The following ACY3 variants were observed in gnomAD, a reference collection of about 807,000 sequenced individuals.
ACY3 encodes the protein N-acyl-aromatic-L-amino acid amidohydrolase (carboxylate-forming).
ACY3 carries 20 observed loss-of-function variants against 24.6 expected under a neutral mutation model. The observed-to-expected ratio is 0.81, with a 90% CI of 0.57 to 1.18. The LOEUF is 1.18. Among genes scored for constraint, ACY3 ranks in the 50% most tolerant of loss-of-function variants. The pLI is 0.00. For missense variants in ACY3, 423 were observed against 426.8 expected, an observed-to-expected ratio of 0.99 and a Z score of 0.08; for synonymous variants, 174 against 188.4, an observed-to-expected ratio of 0.92 and a Z score of 0.62.
chr11:67,646,857 G>A lies in ACY3; in HGVS notation c.187C>T (p.Arg63Cys), dbSNP rs543980460. 8.7e-6 allele frequency: 14 copies of A among 1,612,532 alleles called. No individual in the cohort carries two copies. The highest frequency in any genetic ancestry group is 3.3e-5 in the Admixed American group (2 of 59,964). Residue 63 changes from arginine (R) to cysteine (C), a missense_variant, in exon 3 of 8, where the codon CGC becomes TGC. Arg to Cys is a radical substitution (Grantham distance 180). Transcript: ENST00000255082. Reference protein sequence around the residue: ...ANPAATSGCRRYVDHDLNRTF... With the variant: ...ANPAATSGCRCYVDHDLNRTF... ...CGGTTGAGGTCATGGTCCACGTAGC[G>A]GCGGCAGCCGGATGTGGCTGCCGGG...
rs368425963 is a variant in ACY3, at chr11:67,642,678, C to A, written c.*46G>T. 6.3e-6 allele frequency: 10 copies of A among 1,593,194 alleles called. No homozygotes were observed. The African/African-American group carries it at 6.7e-5, about 11-fold the overall frequency. Reference sequence around the variant, plus strand: ...TGTGCTCAGAGCTGTGCCTCAGGACCCATCGTTCAGATGGGAAGACTGAGG... The same window carrying A: ...TGTGCTCAGAGCTGTGCCTCAGGACACATCGTTCAGATGGGAAGACTGAGG... On this transcript the variant is annotated 3_prime_UTR_variant, in exon 8 of 8. Transcript: ENST00000255082.
chr11:67,645,986 A>G, intron 3 of ACY3, 99 bp from the exon 4 acceptor site: 3 of 1,218,910 alleles, frequency 2.5e-6, no homozygotes, highest in Non-Finnish European at 3.4e-6. Context: ...AGCCACTCTG[A>G]GCAGCTCGAG....
In ACY3 at chr11:67,646,848, C is replaced by T. The variant is rs143717535; in HGVS notation, c.196G>A (p.Asp66Asn). ...GTGAAGGTGCGGTTGAGGTCATGGT[C>T]CACGTAGCGGCGGCAGCCGGATGTG... ...AATSGCRRYV[D>N]HDLNRTFTSS... The change falls in exon 3 of 8, where the codon GAC becomes AAC. Residue 66 changes from aspartate (D) to asparagine (N), a missense_variant. Transcript: ENST00000255082. 431 of 1,612,944 alleles carry T rather than the reference C, an allele frequency of 2.7e-4. No homozygotes were observed. Among genetic ancestry groups the T allele is most frequent in the Non-Finnish European group, 3.4e-4 (407 of 1,179,954 alleles).
At chr11:67,644,906 C>T (rs762645391) in intron 6 of ACY3, 37 bp from the exon 7 acceptor site, 6 of 1,605,640 alleles carry the variant, frequency 3.7e-6, no homozygotes, top group Non-Finnish European at 4.3e-6. Flanking sequence ...CCATCCCTCC[C>T]TCCAGGCTAG....
rs143500320 is a variant in ACY3, at chr11:67,645,010, C to T, written c.634+35G>A. The T allele has an allele frequency of 6.4e-3, 10,282 of 1,607,948 alleles. 38 individuals carry two copies. Among genetic ancestry groups the T allele is most frequent in the Non-Finnish European group, 7.7e-3 (9,004 of 1,174,852 alleles). ...CCCCTGAGCCAGACCTGCTCTTCCC[C>T]GGACCTGTTTCCCGAAAGTCCCCTG... On this transcript the variant is annotated intron_variant, in intron 6 of 7. Coordinates refer to ENST00000255082, the MANE Select transcript of ACY3 (RefSeq NM_080658.2).
chr11:67,647,876 TCACCACCAGAG>T (rs1398671441), intron 1 of ACY3, among the ~76,000 whole-genome samples: 3 of 152,158 alleles, frequency 2.0e-5, no homozygotes, highest in African/African-American at 7.2e-5. Context: ...TTGGTTTTGG[TCACCACCAGAG>T]CAGGCTATTG....
intron 7 of ACY3, among the ~76,000 whole-genome samples, chr11:67,643,572 G>A (rs1359104362): frequency 6.6e-6 from 1 of 152,074 alleles, no homozygotes; most frequent in Non-Finnish European, 1.5e-5. Flanking sequence ...CAGCTATTCG[G>A]GAGGCTGAGG....
At chr11:67,649,006 G>A (rs1256169574) in intron 1 of ACY3, among the ~76,000 whole-genome samples, 1 of 152,048 alleles carries the variant, frequency 6.6e-6, no homozygotes, top group Non-Finnish European at 1.5e-5. Flanking sequence ...GCCATGCCAT[G>A]CCATCAACTC....
rs147304706 is a variant in ACY3 at position 67,645,559 on chromosome 11, C to G, written c.432+133G>C. ...CTGGAGTGCTGGCGAGTGGCAGACC[C>G]CAGGGACTGGAGCCCAGGGGAAACT... On this transcript the variant is annotated intron_variant, in intron 4 of 7. Transcript: ENST00000255082. 3.0e-4 allele frequency: 382 copies of G among 1,290,334 alleles called. 1 individual carries two copies. In the African/African-American group the frequency reaches 5.3e-3, roughly 18 times the overall value. 79.9% of individuals were successfully genotyped at this position (1,290,334 alleles called of 1,614,324 possible). A position where few individuals can be genotyped will look rare whatever the true frequency, so the allele number is the denominator to read the frequency against.
intron 7 of ACY3, 71 bp from the exon 8 acceptor site, chr11:67,643,010 G>T: frequency 7.2e-7 from 1 of 1,383,426 alleles, no homozygotes; most frequent in Non-Finnish European, 1.0e-6. Context: ...GGTGACCCCA[G>T]CTTGACACCC....
intron 1 of ACY3, 121 bp from the exon 2 acceptor site, chr11:67,647,710 C>G (rs1428199611): frequency 1.3e-5 from 2 of 152,370 alleles, no homozygotes; most frequent in Non-Finnish European, 2.9e-5. Context: ...CTGCTCCTGC[C>G]CCGCCCGCCC....
At chr11:67,644,611 C>A in intron 7 of ACY3, 149 bp downstream of exon 7, 1 of 728,950 alleles carries the variant, frequency 1.4e-6, no homozygotes, top group Non-Finnish European at 2.2e-6. Context: ...CCCAGCCTCC[C>A]ATCCTGCTCC....
intron 1 of ACY3, among the ~76,000 whole-genome samples, chr11:67,649,614 T>G (rs2447584): frequency 0.97 from 147,350 of 151,166 alleles, 71,932 homozygotes; most frequent in East Asian, 1. Context: ...GTGTGTGCAC[T>G]CACATGTGTA....
At chr11:67,647,273 T>C (rs1014331544) in intron 2 of ACY3, among the ~76,000 whole-genome samples, 1 of 152,192 alleles carries the variant, frequency 6.6e-6, no homozygotes, top group Non-Finnish European at 1.5e-5. Flanking sequence ...AAGTTTCTTT[T>C]TCCTAAATTG....
chr11:67,649,818 GTGCA>G (rs71777246), intron 1 of ACY3, among the ~76,000 whole-genome samples: 10,512 of 149,550 alleles, frequency 0.07, 454 homozygotes, highest in Non-Finnish European at 0.099. Context: ...GTGTGCATGT[GTGCA>G]TGCATGTGTG....
intron 1 of ACY3, among the ~76,000 whole-genome samples, chr11:67,648,190 G>A (rs1417614706): frequency 1.3e-5 from 2 of 152,326 alleles, no homozygotes; most frequent in East Asian, 1.9e-4. Context: ...TTATAGATGT[G>A]AAAACTGAGG....
At chr11:67,642,986 T>C (rs747916053) in intron 7 of ACY3, 47 bp from the exon 8 acceptor site, 1 of 1,569,946 alleles carries the variant, frequency 6.4e-7, no homozygotes, top group Non-Finnish European at 8.7e-7. Flanking sequence ...ACCTCTGCCC[T>C]GGCCCCAGAG....
intron 7 of ACY3, 81 bp from the exon 8 acceptor site, chr11:67,643,020 C>A: frequency 8.0e-7 from 1 of 1,243,090 alleles, no homozygotes; most frequent in Non-Finnish European, 1.1e-6. Flanking sequence ...GCTTGACACC[C>A]AAAAGATGCC....
chr11:67,644,421 A>C (rs1165183921), intron 7 of ACY3, among the ~76,000 whole-genome samples: 2 of 152,208 alleles, frequency 1.3e-5, no homozygotes, highest in Non-Finnish European at 2.9e-5. Context: ...TGCACCTCCA[A>C]GCAGGTGAAT....
Sources: allele counts gnomAD v4.1 joint callset (sites outside exome capture counted in the v4.1 genomes callset), GRCh38; gene constraint gnomAD v4.1.1; transcripts MANE v1.5; gene names NCBI Gene and HGNC (gene_info 2026-07-23, HGNC 2026-07-21).